The following STON1 variants were observed in gnomAD, a reference collection of about 807,000 sequenced individuals.
STON1 encodes the protein stonin-1.
A neutral mutation model predicts 60.9 loss-of-function variants in STON1; 79 were observed. That is an observed-to-expected ratio of 1.30 (90% CI 1.08 to 1.56). The LOEUF is 1.56. Among genes scored for constraint, STON1 ranks in the 40% most tolerant of loss-of-function variants. The probability of loss-of-function intolerance (pLI) is 0.00; values close to 1 mark genes in which losing one functional copy is unlikely to be tolerated. For missense variants in STON1, 1,166 were observed against 858.9 expected, an observed-to-expected ratio of 1.36 and a Z score of -4.47; for synonymous variants, 363 against 306.9, an observed-to-expected ratio of 1.18 and a Z score of -1.91.
intron 1 of STON1, among the ~76,000 whole-genome samples, chr2:48,550,618 C>T (rs918304499): frequency 1.6e-4 from 24 of 149,964 alleles, no homozygotes; most frequent in Admixed American, 3.3e-4. Flanking sequence ...TTTTAATGCA[C>T]ATAACCAAAC....
intron 1 of STON1, among the ~76,000 whole-genome samples, chr2:48,567,238 A>T (rs562315461): frequency 2.6e-5 from 4 of 152,326 alleles, no homozygotes; most frequent in South Asian, 4.1e-4. Flanking sequence ...TGCAGAACAT[A>T]TGTGCTAATA....
chr2:48,568,726 AC>A (rs1673054710), intron 1 of STON1, among the ~76,000 whole-genome samples: 1 of 152,188 alleles, frequency 6.6e-6, no homozygotes, highest in African/African-American at 2.4e-5. Flanking sequence ...CTCAGAAATG[AC>A]CCAAATTTGT....
At chr2:48,541,796 T>A (rs1463028393) in intron 1 of STON1, among the ~76,000 whole-genome samples, 2 of 150,956 alleles carry the variant, frequency 1.3e-5, no homozygotes, top group Non-Finnish European at 2.9e-5. Flanking sequence ...CTCCTGCTAC[T>A]AAGAGAATGC....
Position 48,595,353 on chromosome 2 carries a change from C to A in STON1, c.*51C>A. 1 of 1,490,582 alleles carries A rather than the reference C, an allele frequency of 6.7e-7. No homozygotes were observed. The highest frequency in any genetic ancestry group is 9.3e-7 in the Non-Finnish European group (1 of 1,071,096). 92.3% of individuals were successfully genotyped at this position (1,490,582 alleles called of 1,614,324 possible). Reference sequence around the variant, plus strand: ...CCCACTTGTCAAATATGTAATTCACCGAAACCACACCAAGTCCTGCTACTG... The same window carrying A: ...CCCACTTGTCAAATATGTAATTCACAGAAACCACACCAAGTCCTGCTACTG... On this transcript the variant is annotated 3_prime_UTR_variant, in exon 4 of 4. Transcript: ENST00000404752.
At chr2:48,533,583 G>C (rs1177027851) in intron 1 of STON1, among the ~76,000 whole-genome samples, 1 of 149,258 alleles carries the variant, frequency 6.7e-6, no homozygotes, top group African/African-American at 2.5e-5. Context: ...TCAGCTACTC[G>C]GGAGGCTGAA....
chr2:48,592,495 T>A, intron 3 of STON1, among the ~76,000 whole-genome samples: 1 of 151,408 alleles, frequency 6.6e-6, no homozygotes, highest in South Asian at 2.1e-4. Flanking sequence ...GCAGTGGCAT[T>A]ATCTTGGCTC....
Position 48,591,828 on chromosome 2 carries a change from T to C in STON1, c.2106T>C (p.Val702=). The change falls in exon 3 of 4, where the codon GTT becomes GTC. Residue 702 remains valine, a synonymous_variant. Coordinates refer to ENST00000404752, the MANE Select transcript of STON1 (RefSeq NM_006873.4). ...GTGATGTCCAGCCACAGAAACATGT[T>C]CAGCAGCGAGCTTGCTACAACATCC... ...VESDVQPQKH[V]QQRACYNIQV... 6.2e-7 allele frequency: 1 copy of C among 1,614,158 alleles called. No individual in the cohort carries two copies. Among genetic ancestry groups the C allele is most frequent in the Non-Finnish European group, 8.5e-7 (1 of 1,180,020 alleles).
At chr2:48,587,178 C>T (rs13007591) in intron 2 of STON1, among the ~76,000 whole-genome samples, 48,622 of 152,138 alleles carry the variant, frequency 0.32, 7,885 homozygotes, top group South Asian at 0.38. Context: ...AAGGCTCATG[C>T]AGCCGGGGTT....
At position 48,582,397 on chromosome 2, in the gene STON1, G is replaced by C. The variant is rs757573907; in HGVS notation, c.1764G>C (p.Gln588His). ...WIKALWTMNL[Q>H]RQKSLKAKMN... Reference sequence around the variant, plus strand: ...AGGCCCTTTGGACCATGAACCTCCAGAGGCAGAAGTCTCTGAAAGCTAAAA... The same window carrying C: ...AGGCCCTTTGGACCATGAACCTCCACAGGCAGAAGTCTCTGAAAGCTAAAA... Residue 588 changes from glutamine to histidine, a missense_variant, in exon 2 of 4, where the codon CAG becomes CAC. Gln to His is a conservative substitution (Grantham distance 24, BLOSUM62 0). Transcript: ENST00000404752. 19 of 1,614,178 alleles carry C rather than the reference G, an allele frequency of 1.2e-5. No individual in the cohort carries two copies. Among genetic ancestry groups the C allele is most frequent in the Non-Finnish European group, 4.2e-6 (5 of 1,180,034 alleles).
intron 2 of STON1, among the ~76,000 whole-genome samples, chr2:48,586,654 TA>T (rs1443509439): frequency 6.6e-6 from 1 of 152,056 alleles, no homozygotes; most frequent in Non-Finnish European, 1.5e-5. Context: ...GAGACCAGTG[TA>T]TTAAGACCTT....
At chr2:48,564,410 C>A (rs1287803492) in intron 1 of STON1, among the ~76,000 whole-genome samples, 1 of 26,094 alleles carries the variant, frequency 3.8e-5, no homozygotes, top group Non-Finnish European at 8.5e-5. Context: ...GCGGTGTCTT[C>A]TTCTTCTTCT....
At chr2:48,592,515 T>G (rs1293770496) in intron 3 of STON1, among the ~76,000 whole-genome samples, 1 of 151,388 alleles carries the variant, frequency 6.6e-6, no homozygotes, top group Non-Finnish European at 1.5e-5. Context: ...CACTGCAACC[T>G]CCGCCTCCTG....
chr2:48,565,343 C>T (rs966862215), intron 1 of STON1, among the ~76,000 whole-genome samples: 10 of 152,292 alleles, frequency 6.6e-5, no homozygotes, highest in African/African-American at 2.2e-4. Flanking sequence ...TGAGCCACCG[C>T]GCCCAGCCTC....
intron 1 of STON1, among the ~76,000 whole-genome samples, chr2:48,540,381 C>A (rs1013372017): frequency 3.9e-5 from 6 of 152,172 alleles, no homozygotes; most frequent in African/African-American, 1.4e-4. Context: ...AGGCAGGACT[C>A]TAATGTTCCG....
At chr2:48,564,405 G>GCCT (rs1412083124) in intron 1 of STON1, among the ~76,000 whole-genome samples, 3 of 83,034 alleles carry the variant, frequency 3.6e-5, no homozygotes, top group South Asian at 5.0e-4. Context: ...CAGTGGCGGT[G>GCCT]TCTTCTTCTT....
intron 1 of STON1, chr2:48,531,468 A>G (rs915985704): frequency 2.0e-5 from 3 of 152,346 alleles, no homozygotes; most frequent in African/African-American, 7.2e-5. Context: ...TTTTTCTGTC[A>G]GTAGTTATTA....
chr2:48,564,480 T>TTCTTCCTTC lies in STON1; in HGVS notation c.-47-16106_-47-16105insCTTCCTTCT, dbSNP rs1558604783. 1.5e-4 allele frequency among the ~76,000 whole-genome samples: 5 copies of TTCTTCCTTC among 32,494 alleles called. 1 individual carries two copies. Among genetic ancestry groups the TTCTTCCTTC allele is most frequent in the African/African-American group, 4.6e-4 (4 of 8,682 alleles). The allele number at this position is 32,494 out of a possible 152,430, so 21.3% of individuals were successfully genotyped here. A position where few individuals can be genotyped will look rare whatever the true frequency, so the allele number is the denominator to read the frequency against. Reference sequence around the variant, plus strand: ...CTTCTTCTTCTTCTTCTTCTTCTTCTTTCTTCTTCTTCTTCTTCTTCTTCT... The same window carrying TTCTTCCTTC: ...CTTCTTCTTCTTCTTCTTCTTCTTCTTCTTCCTTCTTCTTCTTCTTCTTCTTCTTCTTCT... On this transcript the variant is annotated intron_variant, in intron 1 of 3. Coordinates refer to ENST00000404752, the MANE Select transcript of STON1 (RefSeq NM_006873.4).
chr2:48,598,376 T>C lies in STON1; in HGVS notation c.*3074T>C, dbSNP rs1360747962. The C allele has an allele frequency of 1.3e-5, 2 of 152,666 alleles. No individual in the cohort carries two copies. The highest frequency in any genetic ancestry group is 2.4e-5 in the African/African-American group (1 of 41,470). The allele number at this position is 152,666 out of a possible 1,614,324, so 9.5% of individuals were successfully genotyped here. Reference sequence around the variant, plus strand: ...TTAGAAGGACTTCCTTAACAATGACTATTATAATGTCTTACTTAAAATACA... The same window carrying C: ...TTAGAAGGACTTCCTTAACAATGACCATTATAATGTCTTACTTAAAATACA... On this transcript the variant is annotated 3_prime_UTR_variant, in exon 4 of 4. Transcript: ENST00000404752.
chr2:48,591,601 A>G lies in STON1; in HGVS notation c.1931-52A>G, dbSNP rs904396461. On this transcript the variant is annotated intron_variant, in intron 2 of 3. Transcript: ENST00000404752. ...TGAGTGCCTTTTATGTTCAAGAGAA[A>G]TGTTCAATGGCCATTAAAATACTTT... 4.4e-6 allele frequency: 7 copies of G among 1,592,152 alleles called. No homozygotes were observed. In the East Asian group the frequency reaches 1.6e-4, roughly 36 times the overall value.
Sources: allele counts gnomAD v4.1 joint callset (sites outside exome capture counted in the v4.1 genomes callset), GRCh38; gene constraint gnomAD v4.1.1; transcripts MANE v1.5; gene names NCBI Gene and HGNC (gene_info 2026-07-23, HGNC 2026-07-21).